VPS11: variants seen among roughly 807,000 people sequenced by gnomAD.
VPS11 encodes the protein vacuolar protein sorting-associated protein 11 homolog.
VPS11 carries 51 observed loss-of-function variants against 106.8 expected under a neutral mutation model. That is an observed-to-expected ratio of 0.48 (90% CI 0.38 to 0.60). The LOEUF (loss-of-function observed/expected upper bound fraction) is 0.60. Among genes scored for constraint, VPS11 ranks in the 20% least tolerant of loss-of-function variants. The pLI is 0.00. For missense variants in VPS11, 950 were observed against 1,190.0 expected (o/e 0.80, Z 2.97); for synonymous variants, 453 against 458.7 (o/e 0.99, Z 0.16).
In VPS11 at chr11:119,081,822, C is replaced by A; in HGVS notation, c.*199C>A. 2 of 699,672 alleles carry A rather than the reference C, an allele frequency of 2.9e-6. No homozygotes were observed. Among genetic ancestry groups the A allele is most frequent in the Non-Finnish European group, 4.7e-6 (2 of 429,988 alleles). The allele number at this position is 699,672 out of a possible 1,614,324, so 43.3% of individuals were successfully genotyped here. On this transcript the variant is annotated 3_prime_UTR_variant, in exon 16 of 16. Transcript: ENST00000621676. ...GCTTGCCATCCCTCCTCTTCACTAG[C>A]AGTGTAGATCATTCCAGATCAGTGG...
chr11:119,074,111 G>A (rs867035348), intron 7 of VPS11, among the ~76,000 whole-genome samples, 160 bp downstream of exon 7: 2 of 152,140 alleles, frequency 1.3e-5, no homozygotes, highest in Middle Eastern at 3.2e-3. Flanking sequence ...TTGAGATGGA[G>A]TTTCGCTCTT....
chr11:119,081,757 A>C lies in VPS11; in HGVS notation c.*134A>C. The C allele has an allele frequency of 8.3e-7, 1 of 1,202,592 alleles. No individual in the cohort carries two copies. Among genetic ancestry groups the C allele is most frequent in the Non-Finnish European group, 1.1e-6 (1 of 879,370 alleles). The allele number at this position is 1,202,592 out of a possible 1,614,324, so 74.5% of individuals were successfully genotyped here. ...CTCATCTAATGTCACAGCCCTCAGAACTAAAGCGGACTTTCTTTCCCTGCC... is the reference window on the plus strand; with the variant it reads ...CTCATCTAATGTCACAGCCCTCAGACCTAAAGCGGACTTTCTTTCCCTGCC... On this transcript the variant is annotated 3_prime_UTR_variant, in exon 16 of 16. Coordinates refer to ENST00000621676, the MANE Select transcript of VPS11 (RefSeq NM_021729.6).
At chr11:119,077,121 C>G (rs782360401) in intron 8 of VPS11, 38 bp downstream of exon 8, 1 of 1,589,944 alleles carries the variant, frequency 6.3e-7, no homozygotes, top group South Asian at 1.1e-5. Flanking sequence ...TTGGAGGCCC[C>G]ACTGAGCATG....
chr11:119,071,182 A>G (rs1945374437), intron 4 of VPS11, among the ~76,000 whole-genome samples: 1 of 151,710 alleles, frequency 6.6e-6, no homozygotes, highest in African/African-American at 2.4e-5. Context: ...CACCTGCCTC[A>G]ACCACCCAAA....
At position 119,081,308 on chromosome 11, in the gene VPS11, G is replaced by C; in HGVS notation, c.2655G>C (p.Gln885His). Residue 885 changes from glutamine to histidine, a missense_variant, in exon 15 of 16, where the codon CAG becomes CAC. By Grantham distance (24) the Gln-to-His change is conservative. Around this residue, in one of 3 missense-constraint regions of VPS11, gnomAD observed 453 missense variants for 514.6 expected, o/e 0.88. Transcript: ENST00000621676. ...EQKRDLHDQF[Q>H]HQLKCSNDSF... is the part of the protein sequence containing the mutation. ...AACGAGATCTCCATGATCAATTCCA[G>C]CATCAGGTGGGGATGAGTGGGCTAG... 6.2e-7 allele frequency: 1 copy of C among 1,614,042 alleles called. No individual in the cohort carries two copies. The highest frequency in any genetic ancestry group is 8.5e-7 in the Non-Finnish European group (1 of 1,179,888).
In VPS11 at chr11:119,078,102, G is replaced by C. The variant is rs782416448; in HGVS notation, c.1761+36G>C. On this transcript the variant is annotated intron_variant, in intron 10 of 15. Coordinates refer to ENST00000621676, the MANE Select transcript of VPS11 (RefSeq NM_021729.6). ...AGGGAAAAGAGCTTCAGACTGTGGG[G>C]ATCACCTTAAGGGCTTCCTGTATAT... The C allele has an allele frequency of 2.0e-5, 32 of 1,609,056 alleles. No homozygotes were observed. In the African/African-American group the frequency reaches 3.9e-4, roughly 19 times the overall value.
intron 7 of VPS11, among the ~76,000 whole-genome samples, chr11:119,075,506 A>G (rs1354836567): frequency 1.3e-5 from 2 of 149,488 alleles, no homozygotes; most frequent in African/African-American, 4.9e-5. Flanking sequence ...GGAGTTTGAG[A>G]CCAGCCTGGC....
intron 7 of VPS11, 116 bp from the exon 8 acceptor site, chr11:119,076,781 C>A: frequency 8.0e-7 from 1 of 1,245,416 alleles, no homozygotes; most frequent in Non-Finnish European, 1.1e-6. Flanking sequence ...TCAGGCCCCA[C>A]TCCAGATCCA....
chr11:119,078,360 GAA>G (rs1945715346), intron 11 of VPS11, 26 bp downstream of exon 11: 2 of 1,603,930 alleles, frequency 1.2e-6, no homozygotes, highest in Non-Finnish European at 1.7e-6. Flanking sequence ...GGCTTCAGGA[GAA>G]AAGACAGTTC....
At position 119,081,287 on chromosome 11, in the gene VPS11, A is replaced by T. The variant is rs374057343; in HGVS notation, c.2634A>T (p.Arg878=). The T allele has an allele frequency of 1.5e-3, 2,358 of 1,614,036 alleles. 54 individuals are homozygous for T. In the South Asian group the frequency reaches 0.025, roughly 17 times the overall value. ...MDMIRAQEQK[R]DLHDQFQHQL... ...TGATCCGGGCCCAGGAACAGAAACG[A>T]GATCTCCATGATCAATTCCAGCATC... The change falls in exon 15 of 16, where the codon CGA becomes CGT. Residue 878 remains arginine, a synonymous_variant. Coordinates refer to ENST00000621676, the MANE Select transcript of VPS11 (RefSeq NM_021729.6).
chr11:119,068,554 C>T (rs1036448154), intron 1 of VPS11, among the ~76,000 whole-genome samples: 30 of 140,966 alleles, frequency 2.1e-4, no homozygotes, highest in Non-Finnish European at 9.0e-5. Flanking sequence ...TCAAGCGATT[C>T]TCCTGCCACA....
rs1307715451 is a variant in VPS11 at position 119,069,500 on chromosome 11, T to C, written c.395T>C (p.Phe132Ser). Residue 132 changes from phenylalanine (F) to serine (S), a missense_variant, in exon 3 of 16, where the codon TTC becomes TCC. Phe to Ser is a radical substitution (Grantham distance 155, BLOSUM62 -2). This residue lies in a region of VPS11 where 435 missense variants were observed against 630.2 expected (regional missense o/e 0.69). Transcript: ENST00000621676. Reference protein sequence around the residue: ...DGGNPLCTRIFPAIPGTEPTV... With the variant: ...DGGNPLCTRISPAIPGTEPTV... ...GGCAATCCACTCTGCACTCGAATCT[T>C]CCCTGCTATTCCAGGAACAGAGCCA... 16 of 1,613,916 alleles carry C rather than the reference T, an allele frequency of 9.9e-6. No homozygotes were observed. Among genetic ancestry groups the C allele is most frequent in the African/African-American group, 1.3e-5 (1 of 74,942 alleles).
At chr11:119,081,353 C>T (rs1945844441) in intron 15 of VPS11, 39 bp downstream of exon 15, 1 of 1,612,608 alleles carries the variant, frequency 6.2e-7, no homozygotes, top group Non-Finnish European at 8.5e-7. Flanking sequence ...GGGATTCCCA[C>T]TAGTGTCACA....
intron 6 of VPS11, 38 bp downstream of exon 6, chr11:119,073,437 C>G (rs782200424): frequency 1.2e-6 from 2 of 1,600,012 alleles, no homozygotes; most frequent in Non-Finnish European, 1.7e-6. Flanking sequence ...CCACAGGCAC[C>G]TAGAAGCAGC....
rs1945861025 is a variant in VPS11, at chr11:119,081,748, G to A, written c.*125G>A. ...GGCTCCACTCTCATCTAATGTCACA[G>A]CCCTCAGAACTAAAGCGGACTTTCT... On this transcript the variant is annotated 3_prime_UTR_variant, in exon 16 of 16. Transcript: ENST00000621676. 3 of 1,311,724 alleles carry A rather than the reference G, an allele frequency of 2.3e-6. No individual in the cohort carries two copies. Among genetic ancestry groups the A allele is most frequent in the Non-Finnish European group, 2.1e-6 (2 of 972,240 alleles). 81.3% of individuals were successfully genotyped at this position (1,311,724 alleles called of 1,614,324 possible).
At chr11:119,075,356 C>T (rs1945565433) in intron 7 of VPS11, among the ~76,000 whole-genome samples, 1 of 151,798 alleles carries the variant, frequency 6.6e-6, no homozygotes, top group African/African-American at 2.4e-5. Flanking sequence ...AATGCATGAG[C>T]CCAGTCTGAG....
chr11:119,070,392 G>A lies in VPS11; in HGVS notation c.631G>A (p.Val211Ile), dbSNP rs782429510. 27 of 1,612,050 alleles carry A rather than the reference G, an allele frequency of 1.7e-5. No homozygotes were observed. The highest frequency in any genetic ancestry group is 2.7e-5 in the African/African-American group (2 of 74,922). Residue 211 changes from valine to isoleucine, a missense_variant, in exon 4 of 16, where the codon GTC becomes ATC. By Grantham distance (29) the Val-to-Ile change is conservative. Transcript: ENST00000621676. ...CTTGTTTGTTGTGACAACAGAGAAC[G>A]TCCAGGTATGACCAAGGCCTCCACT... ...THLFVVTTENVQSYIVSGKDY... is the reference protein window; with the variant it reads ...THLFVVTTENIQSYIVSGKDY...
intron 10 of VPS11, 50 bp downstream of exon 10, chr11:119,078,116 C>T (rs781960113): frequency 2.9e-5 from 47 of 1,609,290 alleles, no homozygotes; most frequent in Non-Finnish European, 3.9e-5. Context: ...ACCTTAAGGG[C>T]TTCCTGTATA....
In VPS11 at chr11:119,067,996, G is replaced by T. The variant is rs2133640183; in HGVS notation, c.173G>T (p.Ser58Ile). Residue 58 changes from serine (S) to isoleucine (I), a missense_variant, in exon 1 of 16, where the codon AGC becomes ATC. Ser to Ile is a moderately radical substitution (Grantham distance 142). Coordinates refer to ENST00000621676, the MANE Select transcript of VPS11 (RefSeq NM_021729.6). ...GITVCDSGRG[S>I]LVFGDMEGQI... is the part of the protein sequence containing the mutation. ...ACTGTCTGCGACTCAGGCCGAGGGA[G>T]CCTGGTCTTTGGAGATATCCTTCGT... 15 of 1,609,952 alleles carry T rather than the reference G, an allele frequency of 9.3e-6. No individual in the cohort carries two copies. Among genetic ancestry groups the T allele is most frequent in the Non-Finnish European group, 1.2e-5 (14 of 1,177,516 alleles).
Sources: gnomAD v4.1 joint callset for allele counts (sites outside exome capture counted in the v4.1 genomes callset) on GRCh38, gnomAD v4.1.1 for gene constraint, gnomAD v4.1.1 regional missense constraint, MANE v1.5 for transcripts, NCBI Gene and HGNC (gene_info 2026-07-23, HGNC 2026-07-21) for gene names.